RPIA: variants seen among roughly 807,000 people sequenced by gnomAD.
The protein encoded by RPIA is ribose 5-phosphate isomerase A, also known as ribose-5-phosphate isomerase.
A neutral mutation model predicts 37.8 loss-of-function variants in RPIA; 29 were observed. The observed-to-expected ratio is 0.77, with a 90% CI of 0.57 to 1.05. The LOEUF (loss-of-function observed/expected upper bound fraction) is 1.05, where lower values mean the gene tolerates loss of function less well. Among genes scored for constraint, RPIA ranks in the 50% least tolerant of loss-of-function variants. RPIA has a pLI of 0.00. For synonymous variants in RPIA, 167 were observed against 157.0 expected, an observed-to-expected ratio of 1.06 and a Z score of -0.48; for missense variants, 385 against 413.6, an observed-to-expected ratio of 0.93 and a Z score of 0.60.
chr2:88,717,910 A>G (rs1673055883), intron 3 of RPIA, among the ~76,000 whole-genome samples: 1 of 152,210 alleles, frequency 6.6e-6, no homozygotes, highest in East Asian at 1.9e-4. Flanking sequence ...GAAAATTGAT[A>G]TAGGCCACAT....
chr2:88,704,005 T>C (rs1672865879), intron 3 of RPIA, among the ~76,000 whole-genome samples: 1 of 152,234 alleles, frequency 6.6e-6, no homozygotes. Context: ...TGCCAGTCTC[T>C]TTGCTAAAAC....
At chr2:88,701,806 A>G (rs997772816) in intron 3 of RPIA, among the ~76,000 whole-genome samples, 4 of 152,198 alleles carry the variant, frequency 2.6e-5, no homozygotes, top group Non-Finnish European at 4.4e-5. Flanking sequence ...CCACCCTTAC[A>G]TACATTCTGT....
intron 3 of RPIA, among the ~76,000 whole-genome samples, chr2:88,715,560 A>T: frequency 6.6e-6 from 1 of 152,222 alleles, no homozygotes; most frequent in East Asian, 1.9e-4. Context: ...AAGTGGGCCA[A>T]AGTGCAGCCT....
intron 2 of RPIA, 110 bp from the exon 3 acceptor site, chr2:88,699,899 T>C (rs1672806670): frequency 5.2e-6 from 6 of 1,143,230 alleles, no homozygotes; most frequent in Middle Eastern, 1.9e-4. Flanking sequence ...AAGGCAGCTG[T>C]CTTTGGGAAA....
intron 3 of RPIA, among the ~76,000 whole-genome samples, chr2:88,726,084 A>T (rs1253022587): frequency 6.6e-6 from 1 of 152,162 alleles, no homozygotes; most frequent in East Asian, 1.9e-4. Flanking sequence ...GGAGAGTCTC[A>T]GGGCTTGCAG....
chr2:88,735,600 G>A, intron 5 of RPIA, 69 bp from the exon 6 acceptor site: 1 of 1,398,434 alleles, frequency 7.2e-7, no homozygotes, highest in Admixed American at 1.7e-5. Context: ...TGGGATTCCT[G>A]TATTTAACCT....
intron 3 of RPIA, among the ~76,000 whole-genome samples, chr2:88,714,159 G>GT (rs10701572): frequency 0.28 from 41,577 of 149,318 alleles, 5,864 homozygotes; most frequent in Admixed American, 0.32. Flanking sequence ...CTCATTTTTT[G>GT]TTTTTTTGTT....
intron 3 of RPIA, among the ~76,000 whole-genome samples, chr2:88,711,226 A>G (rs537043140): frequency 1.3e-5 from 2 of 152,378 alleles, no homozygotes; most frequent in South Asian, 4.1e-4. Flanking sequence ...AGGAGTTTTG[A>G]AAAGAAAAAC....
intron 1 of RPIA, among the ~76,000 whole-genome samples, chr2:88,695,055 T>C (rs961213669): frequency 6.6e-6 from 1 of 151,614 alleles, no homozygotes. Context: ...GAGCAGAACA[T>C]GTGAAGGTCC....
intron 2 of RPIA, among the ~76,000 whole-genome samples, chr2:88,699,551 A>T (rs1204637424): frequency 6.6e-6 from 1 of 152,184 alleles, no homozygotes; most frequent in African/African-American, 2.4e-5. Context: ...AGAAGAGGCA[A>T]TATAGGGGAG....
intron 3 of RPIA, among the ~76,000 whole-genome samples, chr2:88,709,216 G>T (rs917601719): frequency 6.6e-6 from 1 of 152,244 alleles, no homozygotes; most frequent in East Asian, 1.9e-4. Flanking sequence ...TAATTTGGAA[G>T]GAGTTCCCCA....
intron 8 of RPIA, among the ~76,000 whole-genome samples, 154 bp from the exon 9 acceptor site, chr2:88,749,827 T>C (rs1673481699): frequency 1.3e-5 from 2 of 151,966 alleles, no homozygotes; most frequent in African/African-American, 4.8e-5. Flanking sequence ...ATAATCAGAA[T>C]CTCTTTTCAT....
chr2:88,740,811 T>G (rs984372241), intron 8 of RPIA, among the ~76,000 whole-genome samples: 1 of 152,220 alleles, frequency 6.6e-6, no homozygotes, highest in African/African-American at 2.4e-5. Flanking sequence ...TAAAGCCTTT[T>G]CTGAACCTGA....
chr2:88,739,807 G>C lies in RPIA; in HGVS notation c.838+1731G>C, dbSNP rs1358068734. The stretch of plus-strand genomic sequence containing the variant: ...TAAGTTTTGAATTTTTTATAGAAAC[G>C]GGGTTTCACGATGTTGTCCAGGCTG... On this transcript the variant is annotated intron_variant, in intron 8 of 8. Transcript: ENST00000283646. Among the ~76,000 whole-genome samples the C allele has an allele frequency of 2.6e-5, 4 of 152,074 alleles. No individual in the cohort carries two copies. In the South Asian group the frequency reaches 6.2e-4, roughly 24 times the overall value.
chr2:88,749,468 T>G (rs1673475924), intron 8 of RPIA, among the ~76,000 whole-genome samples: 1 of 152,248 alleles, frequency 6.6e-6, no homozygotes, highest in Non-Finnish European at 1.5e-5. Flanking sequence ...TTCTTGATGA[T>G]TTATAAATTG....
intron 3 of RPIA, among the ~76,000 whole-genome samples, chr2:88,715,483 C>G (rs1275021489): frequency 6.6e-6 from 1 of 152,206 alleles, no homozygotes; most frequent in Non-Finnish European, 1.5e-5. Flanking sequence ...GTCAGAAATT[C>G]TATCTATAGG....
At chr2:88,722,692 G>A (rs1249657526) in intron 3 of RPIA, among the ~76,000 whole-genome samples, 1 of 152,144 alleles carries the variant, frequency 6.6e-6, no homozygotes, top group African/African-American at 2.4e-5. Context: ...GTGATCTCTG[G>A]TGCCCCCACA....
At chr2:88,712,606 C>T (rs1294730074) in intron 3 of RPIA, among the ~76,000 whole-genome samples, 2 of 152,184 alleles carry the variant, frequency 1.3e-5, no homozygotes, top group Admixed American at 1.3e-4. Context: ...TGTAACTGTG[C>T]AAGAACCACA....
At chr2:88,743,591 G>A (rs1286485700) in intron 8 of RPIA, among the ~76,000 whole-genome samples, 1 of 151,868 alleles carries the variant, frequency 6.6e-6, no homozygotes, top group African/African-American at 2.4e-5. Context: ...CCCATCTTTT[G>A]GAATAGTTTC....
Sources: allele counts gnomAD v4.1 joint callset (sites outside exome capture counted in the v4.1 genomes callset), GRCh38; gene constraint gnomAD v4.1.1; transcripts MANE v1.5; gene names NCBI Gene and HGNC (gene_info 2026-07-23, HGNC 2026-07-21).